Variants in DTNBP1 observed in about 807,000 individuals in gnomAD.
DTNBP1 encodes dystrobrevin binding protein 1, also known as dysbindin.
In DTNBP1, 35 loss-of-function variants were observed where a neutral mutation model predicts 42.8. The ratio of observed to expected loss-of-function variants is 0.82; its 90% CI spans 0.63 to 1.09. The LOEUF is 1.09. DTNBP1 is among the 50% of genes least tolerant of loss of function. DTNBP1 has a pLI of 0.00. For synonymous variants in DTNBP1, 171 were observed against 162.2 expected, an observed-to-expected ratio of 1.05 and a Z score of -0.41; for missense variants, 457 against 424.2, an observed-to-expected ratio of 1.08 and a Z score of -0.68.
intron 3 of DTNBP1, among the ~76,000 whole-genome samples, chr6:15,649,088 T>C (rs1760845545): frequency 6.6e-6 from 1 of 152,170 alleles, no homozygotes; most frequent in African/African-American, 2.4e-5. Flanking sequence ...ACAGTCACTA[T>C]GGAAAACAGT....
In DTNBP1 at chr6:15,587,323, C is replaced by T. The variant is rs1776119749; in HGVS notation, c.511+5736G>A. Among the ~76,000 whole-genome samples the T allele has an allele frequency of 6.6e-6, 1 of 152,118 alleles. No individual in the cohort carries two copies. Among genetic ancestry groups the T allele is most frequent in the African/African-American group, 2.4e-5 (1 of 41,420 alleles). ...CTATCATTAAGATGACAATTTTCCC[C>T]AAATTGATCTATACATGCAACACAA... On this transcript the variant is annotated intron_variant, in intron 7 of 9. Transcript: ENST00000344537. This position sits in a 1 kb window ranked among gnomAD's most constrained non-coding sequence, Gnocchi z 4.1.
intron 6 of DTNBP1, among the ~76,000 whole-genome samples, chr6:15,596,645 C>A (rs1017014541): frequency 3.9e-5 from 6 of 152,198 alleles, no homozygotes; most frequent in Admixed American, 3.3e-4. Context: ...CTCTTCTCTC[C>A]TCAGCTTACA....
intron 7 of DTNBP1, among the ~76,000 whole-genome samples, chr6:15,576,232 C>T (rs1004719453): frequency 6.6e-6 from 1 of 151,984 alleles, no homozygotes; most frequent in African/African-American, 2.4e-5. Flanking sequence ...GATTCTCCTG[C>T]CTCAGACTCC....
At position 15,659,369 on chromosome 6, in the gene DTNBP1, C is replaced by T. The variant is rs114938998; in HGVS notation, c.56+3445G>A. ...CCAGAAATGCCTGAGGCCTTCCATTCCATCCCTGGGGCAGCCTGCACACCC... is the reference window on the plus strand; with the variant it reads ...CCAGAAATGCCTGAGGCCTTCCATTTCATCCCTGGGGCAGCCTGCACACCC... On this transcript the variant is annotated intron_variant, in intron 1 of 9. Coordinates refer to ENST00000344537, the MANE Select transcript of DTNBP1 (RefSeq NM_032122.5). Among the ~76,000 whole-genome samples, 823 of 152,278 alleles carry T rather than the reference C, an allele frequency of 5.4e-3. 3 individuals are homozygous for T. The highest frequency in any genetic ancestry group is 0.027 in the Middle Eastern group (8 of 294).
chr6:15,651,411 G>GA (rs201022468), intron 2 of DTNBP1, 48 bp from the exon 3 acceptor site: 98,834 of 1,084,354 alleles, frequency 0.091, no homozygotes, highest in Non-Finnish European at 0.098. Context: ...TTAGCCAACT[G>GA]AAAAAAAAAA....
intron 4 of DTNBP1, among the ~76,000 whole-genome samples, chr6:15,637,034 C>G (rs1035180656): frequency 7.2e-5 from 11 of 152,154 alleles, no homozygotes; most frequent in African/African-American, 2.7e-4. Context: ...ATGCTAGTGT[C>G]TACATTTCAT....
intron 7 of DTNBP1, among the ~76,000 whole-genome samples, chr6:15,589,257 G>A (rs1035307601): frequency 4.6e-5 from 7 of 152,194 alleles, no homozygotes; most frequent in Non-Finnish European, 8.8e-5. Flanking sequence ...AGATGACTTG[G>A]TGCCTTCTAT....
intron 5 of DTNBP1, among the ~76,000 whole-genome samples, chr6:15,616,584 C>T (rs964293692): frequency 1.5e-4 from 23 of 152,212 alleles, no homozygotes; most frequent in African/African-American, 5.1e-4. Flanking sequence ...GTTGGCTGTG[C>T]AGCCTTCCAG....
At chr6:15,601,925 T>C (rs1239151958) in intron 6 of DTNBP1, among the ~76,000 whole-genome samples, 2 of 148,710 alleles carry the variant, frequency 1.3e-5, no homozygotes, top group Middle Eastern at 3.3e-3. Flanking sequence ...GGAAGGAAAA[T>C]GTTGCTATCT....
intron 7 of DTNBP1, among the ~76,000 whole-genome samples, chr6:15,562,400 A>G (rs1008830443): frequency 2.0e-5 from 3 of 152,220 alleles, no homozygotes; most frequent in African/African-American, 4.8e-5. Flanking sequence ...AATTTATAAA[A>G]AGAAAATATG....
At chr6:15,652,861 A>G (rs1761087083) in intron 1 of DTNBP1, among the ~76,000 whole-genome samples, 1 of 152,088 alleles carries the variant, frequency 6.6e-6, no homozygotes, top group Admixed American at 6.5e-5. Flanking sequence ...GCCTCAAGTG[A>G]TCTTCCCACC....
intron 7 of DTNBP1, among the ~76,000 whole-genome samples, chr6:15,582,847 T>A (rs1278727816): frequency 6.6e-6 from 1 of 152,196 alleles, no homozygotes; most frequent in East Asian, 1.9e-4. Context: ...CTTTAAATGA[T>A]TCTTAAGAAT....
chr6:15,646,795 C>T (rs547728435), intron 3 of DTNBP1, among the ~76,000 whole-genome samples: 1 of 152,050 alleles, frequency 6.6e-6, no homozygotes, highest in Non-Finnish European at 1.5e-5. Flanking sequence ...ATAAATGGTG[C>T]GAGGAAAACT....
chr6:15,565,435 TC>T (rs1480914703), intron 7 of DTNBP1, among the ~76,000 whole-genome samples: 3 of 152,360 alleles, frequency 2.0e-5, no homozygotes, highest in Non-Finnish European at 4.4e-5. Context: ...AATCCAAATG[TC>T]CATTAACTGG....
chr6:15,559,073 C>T (rs375700959), intron 7 of DTNBP1, among the ~76,000 whole-genome samples: 4 of 152,204 alleles, frequency 2.6e-5, no homozygotes, highest in East Asian at 3.9e-4. Context: ...GGAGACAACT[C>T]GCAACATCCA....
chr6:15,619,199 A>G (rs1758898143), intron 5 of DTNBP1, among the ~76,000 whole-genome samples: 1 of 152,220 alleles, frequency 6.6e-6, no homozygotes, highest in South Asian at 2.1e-4. Context: ...ATGTTCAAAT[A>G]GCAAAAGAGT....
At chr6:15,641,246 T>C (rs151193145) in intron 3 of DTNBP1, among the ~76,000 whole-genome samples, 61 of 152,314 alleles carry the variant, frequency 4.0e-4, no homozygotes, top group African/African-American at 1.4e-3. Flanking sequence ...TGTCCCAAGA[T>C]GGCTTACTAG....
chr6:15,522,813 G>T lies in DTNBP1; in HGVS notation c.*162C>A. 7.9e-7 allele frequency: 1 copy of T among 1,264,544 alleles called. No individual in the cohort carries two copies. Among genetic ancestry groups the T allele is most frequent in the Non-Finnish European group, 1.1e-6 (1 of 895,318 alleles). The allele number at this position is 1,264,544 out of a possible 1,614,324, so 78.3% of individuals were successfully genotyped here. ...TAGCTCTGTGCGCTCTCAGTTTACC[G>T]TCCTCACACTTTATTGTTAGCTGTT... On this transcript the variant is annotated 3_prime_UTR_variant, in exon 10 of 10. Coordinates refer to ENST00000344537, the MANE Select transcript of DTNBP1 (RefSeq NM_032122.5).
chr6:15,640,631 G>A (rs1286684459), intron 3 of DTNBP1, among the ~76,000 whole-genome samples: 1 of 152,194 alleles, frequency 6.6e-6, no homozygotes, highest in Non-Finnish European at 1.5e-5. Flanking sequence ...TGTAGACTGT[G>A]TTGTACTACA....
Sources: allele counts gnomAD v4.1 joint callset (sites outside exome capture counted in the v4.1 genomes callset), GRCh38; gene constraint gnomAD v4.1.1; non-coding constraint Gnocchi (gnomAD v3.1); transcripts MANE v1.5; gene names NCBI Gene and HGNC (gene_info 2026-07-23, HGNC 2026-07-21).